FGF7: variants seen among roughly 807,000 people sequenced by gnomAD.
FGF7 encodes FGF-7.
FGF7 carries 6 observed loss-of-function variants against 20.5 expected under a neutral mutation model. The ratio of observed to expected loss-of-function variants is 0.29; its 90% CI spans 0.16 to 0.58. FGF7 has a LOEUF of 0.58. Ranked by LOEUF, FGF7 falls within the 20% of genes least tolerant of loss-of-function variation. The pLI is 0.90. For missense variants in FGF7, 144 were observed against 228.8 expected (o/e 0.63, Z 2.39); for synonymous variants, 64 against 74.7 (o/e 0.86, Z 0.74).
chr15:49,434,870 A>G (rs575184847), intron 2 of FGF7, among the ~76,000 whole-genome samples: 1 of 151,678 alleles, frequency 6.6e-6, no homozygotes, highest in African/African-American at 2.4e-5. Flanking sequence ...TTAATAAAAA[A>G]GAGAACCAAT....
At chr15:49,467,585 C>G (rs1372923771) in intron 2 of FGF7, among the ~76,000 whole-genome samples, 1 of 152,032 alleles carries the variant, frequency 6.6e-6, no homozygotes, top group African/African-American at 2.4e-5. Context: ...ATATAAAAAT[C>G]TGATACTTTC....
intron 2 of FGF7, among the ~76,000 whole-genome samples, chr15:49,468,795 C>A (rs1016993532): frequency 2.6e-5 from 4 of 152,176 alleles, no homozygotes; most frequent in African/African-American, 9.6e-5. Context: ...AGTTAATGGT[C>A]CTATCCCAAT....
At chr15:49,435,074 A>G (rs1874611) in intron 2 of FGF7, among the ~76,000 whole-genome samples, 151,117 of 151,576 alleles carry the variant, frequency 1, 75,329 homozygotes, top group Middle Eastern at 1. Context: ...CATACAAAAT[A>G]GTATACATTA....
chr15:49,424,644 G>A, intron 2 of FGF7, 61 bp downstream of exon 2: 2 of 1,322,288 alleles, frequency 1.5e-6, no homozygotes, highest in Middle Eastern at 2.4e-4. Context: ...CAATTTTCAG[G>A]TGATATGTTT....
intron 2 of FGF7, among the ~76,000 whole-genome samples, chr15:49,447,571 A>C (rs2052340587): frequency 6.6e-6 from 1 of 151,726 alleles, no homozygotes; most frequent in Non-Finnish European, 1.5e-5. Flanking sequence ...TCAGGTTTAA[A>C]ATACATGTTC....
intron 2 of FGF7, among the ~76,000 whole-genome samples, chr15:49,457,298 G>A (rs1266508535): frequency 6.6e-6 from 1 of 151,838 alleles, no homozygotes; most frequent in East Asian, 1.9e-4. Flanking sequence ...AATAGAAATG[G>A]AAAAAAATCA....
rs2056444726 is a variant in FGF7, at chr15:49,486,904, C to T, written c.*2400C>T. 2 of 151,890 alleles carry T rather than the reference C, an allele frequency of 1.3e-5. No individual in the cohort carries two copies. The highest frequency in any genetic ancestry group is 4.8e-5 in the African/African-American group (2 of 41,392). The allele number at this position is 151,890 out of a possible 1,614,324, so 9.4% of individuals were successfully genotyped here. On this transcript the variant is annotated 3_prime_UTR_variant, in exon 4 of 4. Transcript: ENST00000267843. The stretch of plus-strand genomic sequence containing the variant: ...CTGTAAGGGGCCTCCATCCCTCTTA[C>T]TCATTTGTAGTCTAGGAAATTGAGA...
intron 2 of FGF7, among the ~76,000 whole-genome samples, chr15:49,450,977 T>A (rs1218757539): frequency 6.6e-6 from 1 of 152,072 alleles, no homozygotes; most frequent in Non-Finnish European, 1.5e-5. Context: ...AAAATATATT[T>A]CCCTGGTCAG....
chr15:49,434,997 G>T (rs990246940), intron 2 of FGF7, among the ~76,000 whole-genome samples: 1 of 151,306 alleles, frequency 6.6e-6, no homozygotes, highest in African/African-American at 2.4e-5. Flanking sequence ...ATGATAAACA[G>T]TATGTTGTGT....
intron 2 of FGF7, among the ~76,000 whole-genome samples, chr15:49,482,515 T>TG (rs2056045365): frequency 6.6e-6 from 1 of 152,112 alleles, no homozygotes; most frequent in Non-Finnish European, 1.5e-5. Context: ...CATTTACACT[T>TG]GCTTTAATTA....
chr15:49,472,056 C>A lies in FGF7; in HGVS notation c.287-11095C>A, dbSNP rs529300070. 2.0e-5 allele frequency among the ~76,000 whole-genome samples: 3 copies of A among 150,112 alleles called. No homozygotes were observed. The East Asian group carries it at 5.8e-4, about 29-fold the overall frequency. On this transcript the variant is annotated intron_variant, in intron 2 of 3. Coordinates refer to ENST00000267843, the MANE Select transcript of FGF7 (RefSeq NM_002009.4). The stretch of plus-strand genomic sequence containing the variant: ...AAAAGCTGTGAAAGTAAACACCTGG[C>A]CATTAACAACAGTGTTGAAAATAAG...
intron 2 of FGF7, among the ~76,000 whole-genome samples, chr15:49,441,481 C>G (rs943457029): frequency 6.6e-6 from 1 of 151,676 alleles, no homozygotes; most frequent in Non-Finnish European, 1.5e-5. Context: ...ACAGTTCCAA[C>G]AGGAGCTCCA....
intron 2 of FGF7, among the ~76,000 whole-genome samples, chr15:49,445,876 TTAGA>T (rs758962102): frequency 8.6e-5 from 13 of 151,654 alleles, no homozygotes; most frequent in Middle Eastern, 3.4e-3. Context: ...TCATTTGAAA[TTAGA>T]TAGAAAGTTT....
At chr15:49,456,044 C>T (rs1214765915) in intron 2 of FGF7, among the ~76,000 whole-genome samples, 1 of 152,068 alleles carries the variant, frequency 6.6e-6, no homozygotes, top group Non-Finnish European at 1.5e-5. Flanking sequence ...AATGTGACCG[C>T]ATATTGGTGC....
intron 2 of FGF7, among the ~76,000 whole-genome samples, chr15:49,442,370 T>C (rs970336097): frequency 6.6e-6 from 1 of 151,630 alleles, no homozygotes; most frequent in Admixed American, 6.6e-5. Flanking sequence ...GCCATTTCAG[T>C]CCACCCCTGC....
rs1160497045 is a variant in FGF7, at chr15:49,482,492, C to G, written c.287-659C>G. 4.6e-5 allele frequency among the ~76,000 whole-genome samples: 7 copies of G among 152,072 alleles called. No individual in the cohort carries two copies. In the South Asian group the frequency reaches 1.0e-3, roughly 23 times the overall value. ...ACAATCTTTTTTTTAAGGCAGTAGG[C>G]TCTGTTTACCATCATTTACACTTGC... is the stretch of plus-strand genomic sequence containing the variant. On this transcript the variant is annotated intron_variant, in intron 2 of 3. Coordinates refer to ENST00000267843, the MANE Select transcript of FGF7 (RefSeq NM_002009.4).
At chr15:49,426,713 T>C (rs1017548366) in intron 2 of FGF7, among the ~76,000 whole-genome samples, 2 of 151,580 alleles carry the variant, frequency 1.3e-5, no homozygotes, top group African/African-American at 4.8e-5. Context: ...ACCAATTCTA[T>C]AGCACAAAAG....
intron 2 of FGF7, chr15:49,424,824 C>T: frequency 6.6e-6 from 2 of 302,760 alleles, no homozygotes; most frequent in Non-Finnish European, 6.1e-6. Context: ...ATATATACTC[C>T]TTGTCCTGAA....
At chr15:49,428,219 A>C (rs1260778352) in intron 2 of FGF7, among the ~76,000 whole-genome samples, 1 of 151,946 alleles carries the variant, frequency 6.6e-6, no homozygotes, top group Non-Finnish European at 1.5e-5. Context: ...GGAGGCAGAA[A>C]GTCTCTCCCC....
Sources: allele counts gnomAD v4.1 joint callset (sites outside exome capture counted in the v4.1 genomes callset), GRCh38; gene constraint gnomAD v4.1.1; transcripts MANE v1.5; gene names NCBI Gene and HGNC (gene_info 2026-07-23, HGNC 2026-07-21).